Variants in TSHZ3 observed in about 807,000 individuals in gnomAD.
TSHZ3 encodes teashirt homolog 3.
A neutral mutation model predicts 64.5 loss-of-function variants in TSHZ3; 10 were observed. That is an observed-to-expected ratio of 0.16 (90% CI 0.10 to 0.26). The LOEUF (loss-of-function observed/expected upper bound fraction) is 0.26. TSHZ3 is among the 10% of genes least tolerant of loss of function. The pLI, the probability that TSHZ3 is intolerant of heterozygous loss-of-function variation, is 1.00. For missense variants in TSHZ3, 1,242 were observed against 1,421.7 expected (o/e 0.87, Z 2.03); for synonymous variants, 608 against 593.1 (o/e 1.03, Z -0.36).
chr19:31,310,605 T>C (rs1916431904), intron 1 of TSHZ3, among the ~76,000 whole-genome samples: 2 of 151,958 alleles, frequency 1.3e-5, no homozygotes, highest in South Asian at 4.1e-4. Flanking sequence ...GGGAAAGGGG[T>C]GGGCAGAGTG....
intron 1 of TSHZ3, chr19:31,308,403 G>A (rs566638592): frequency 1.9e-4 from 69 of 370,222 alleles, no homozygotes; most frequent in African/African-American, 1.2e-3. Flanking sequence ...GGGAAAATGC[G>A]CTGGAACATT....
At chr19:31,283,102 G>A (rs192061845) in intron 1 of TSHZ3, among the ~76,000 whole-genome samples, 25 of 152,316 alleles carry the variant, frequency 1.6e-4, no homozygotes, top group Admixed American at 1.1e-3. Flanking sequence ...GGAGGCCAAG[G>A]CAGGCAGACT....
At chr19:31,182,157 C>G (rs1374120997) in intron 5 of TSHZ3, among the ~76,000 whole-genome samples, 1 of 152,166 alleles carries the variant, frequency 6.6e-6, no homozygotes, top group Non-Finnish European at 1.5e-5. Flanking sequence ...TCAGTCTCTG[C>G]CCAGATTTGG....
At chr19:31,288,016 C>T (rs1325760047) in intron 1 of TSHZ3, among the ~76,000 whole-genome samples, 1 of 152,144 alleles carries the variant, frequency 6.6e-6, no homozygotes, top group Non-Finnish European at 1.5e-5. Context: ...CTCACTGCAG[C>T]CCCGAACTCC....
Position 31,276,696 on chromosome 19 carries a change from G to C in TSHZ3, c.3097C>G (p.Pro1033Ala). The C allele has an allele frequency of 6.2e-7, 1 of 1,613,790 alleles. No individual in the cohort carries two copies. The change falls in exon 2 of 2, where the codon CCC (proline) becomes GCC (alanine). Residue 1033 changes from proline (P) to alanine (A), a missense_variant. By Grantham distance (27) the Pro-to-Ala change is conservative. Transcript: ENST00000240587. ...SPSEKMVTSSPEEDLGTSYQC... is the reference protein window; with the variant it reads ...SPSEKMVTSSAEEDLGTSYQC... ...TAGGAAGTCCCCAGGTCTTCCTCGG[G>C]GGAGGACGTCACCATTTTTTCTGAC...
chr19:31,181,582 C>G (rs1177896101), intron 5 of TSHZ3, among the ~76,000 whole-genome samples: 1 of 152,008 alleles, frequency 6.6e-6, no homozygotes, highest in African/African-American at 2.4e-5. Flanking sequence ...ATGCCAGCTA[C>G]CAGGAAGAGG....
chr19:31,255,491 G>A (rs1268515977), intron 1 of TSHZ3, among the ~76,000 whole-genome samples: 1 of 152,082 alleles, frequency 6.6e-6, no homozygotes, highest in South Asian at 2.1e-4. Flanking sequence ...AAATCACTGC[G>A]CTTACCACCA....
chr19:31,228,677 G>A (rs1196313909), intron 3 of TSHZ3, among the ~76,000 whole-genome samples: 1 of 152,110 alleles, frequency 6.6e-6, no homozygotes, highest in African/African-American at 2.4e-5. Flanking sequence ...GAACACTGAA[G>A]GTTACTAGCA....
At chr19:31,215,514 G>T (rs1975314773) in intron 4 of TSHZ3, among the ~76,000 whole-genome samples, 1 of 152,148 alleles carries the variant, frequency 6.6e-6, no homozygotes, top group Non-Finnish European at 1.5e-5. Context: ...AAGATAGCTG[G>T]TCCCAATTGT....
intron 4 of TSHZ3, among the ~76,000 whole-genome samples, chr19:31,206,114 TGGATGGA>T: frequency 6.6e-6 from 1 of 151,368 alleles, no homozygotes; most frequent in Admixed American, 6.6e-5. Context: ...GATGGATGGA[TGGATGGA>T]TGGATGGATA....
At chr19:31,163,496 C>T (rs899310937) in intron 5 of TSHZ3, among the ~76,000 whole-genome samples, 6 of 152,142 alleles carry the variant, frequency 3.9e-5, no homozygotes, top group Non-Finnish European at 8.8e-5. Flanking sequence ...CTTTGGGAGG[C>T]CGAGGTGGGC....
At chr19:31,334,595 A>G (rs1020983957) in intron 1 of TSHZ3, among the ~76,000 whole-genome samples, 22 of 152,298 alleles carry the variant, frequency 1.4e-4, no homozygotes, top group Middle Eastern at 3.4e-3. Flanking sequence ...CTTTGAGTCT[A>G]TGGCAGCTGA....
At chr19:31,245,955 G>A (rs1975753248) in intron 1 of TSHZ3, among the ~76,000 whole-genome samples, 1 of 152,178 alleles carries the variant, frequency 6.6e-6, no homozygotes, top group East Asian at 1.9e-4. Flanking sequence ...ATTTGCTGAT[G>A]TGCATGAAAT....
At chr19:31,177,639 A>C (rs778295410) in intron 5 of TSHZ3, among the ~76,000 whole-genome samples, 1 of 152,210 alleles carries the variant, frequency 6.6e-6, no homozygotes, top group Non-Finnish European at 1.5e-5. Context: ...CCCTCACTTA[A>C]ATCCCAGTGT....
At chr19:31,164,962 G>A (rs898537921) in intron 5 of TSHZ3, among the ~76,000 whole-genome samples, 8 of 152,172 alleles carry the variant, frequency 5.3e-5, no homozygotes, top group African/African-American at 1.4e-4. Flanking sequence ...AAAAGCGAGC[G>A]GCAGCCTCGG....
At chr19:31,309,813 G>A (rs1028760431) in intron 1 of TSHZ3, among the ~76,000 whole-genome samples, 3 of 152,076 alleles carry the variant, frequency 2.0e-5, no homozygotes, top group African/African-American at 4.8e-5. Context: ...CCCCTGGGAT[G>A]GCCACGGCAT....
Position 31,276,388 on chromosome 19 carries a change from T to G in TSHZ3, c.*159A>C. ...AACAACAGCTGATTATGCACCTCTA[T>G]TAAACACTGTACAGTTATACAAAAC... is the stretch of plus-strand genomic sequence containing the variant. On this transcript the variant is annotated 3_prime_UTR_variant, in exon 2 of 2. Coordinates refer to ENST00000240587, the MANE Select transcript of TSHZ3 (RefSeq NM_020856.4). 1.6e-6 allele frequency: 1 copy of G among 643,374 alleles called. No homozygotes were observed. Among genetic ancestry groups the G allele is most frequent in the East Asian group, 2.7e-5 (1 of 36,800 alleles). The allele number at this position is 643,374 out of a possible 1,614,324, so 39.9% of individuals were successfully genotyped here.
intron 5 of TSHZ3, among the ~76,000 whole-genome samples, chr19:31,170,238 TC>T (rs1974518215): frequency 6.6e-6 from 1 of 152,142 alleles, no homozygotes; most frequent in Non-Finnish European, 1.5e-5. Context: ...AGGGCTCTCT[TC>T]CTGACTTGCA....
chr19:31,319,888 G>A (rs953107860), intron 1 of TSHZ3, among the ~76,000 whole-genome samples: 19 of 52,136 alleles, frequency 3.6e-4, no homozygotes, highest in South Asian at 1.1e-3. Context: ...CAGCCCCCCT[G>A]AGAAAGTAGC....
Sources: gnomAD v4.1 joint callset for allele counts (sites outside exome capture counted in the v4.1 genomes callset) on GRCh38, gnomAD v4.1.1 for gene constraint, MANE v1.5 for transcripts, NCBI Gene and HGNC (gene_info 2026-07-23, HGNC 2026-07-21) for gene names.